PRDM10: variants seen among roughly 807,000 people sequenced by gnomAD.
PRDM10 encodes the protein PR/SET domain 10, also known as PR domain zinc finger protein 10.
Under a neutral mutation model 133.1 loss-of-function variants are expected in PRDM10, and 65 were observed. That is an observed-to-expected ratio of 0.49 (90% CI 0.40 to 0.60). The LOEUF (loss-of-function observed/expected upper bound fraction) is 0.60, where lower values mean the gene tolerates loss of function less well. Among genes scored for constraint, PRDM10 ranks in the 20% least tolerant of loss-of-function variants. The pLI is 0.00. For synonymous variants in PRDM10, 582 were observed against 580.4 expected, an observed-to-expected ratio of 1.00 and a Z score of -0.04; for missense variants, 1,137 against 1,507.1, an observed-to-expected ratio of 0.75 and a Z score of 4.07.
Position 129,942,512 on chromosome 11 carries a change from G to T in PRDM10, c.880C>A (p.Leu294Met), listed in dbSNP as rs1027406865. The T allele has an allele frequency of 3.1e-6, 5 of 1,613,940 alleles. No homozygotes were observed. Among genetic ancestry groups the T allele is most frequent in the Non-Finnish European group, 4.2e-6 (5 of 1,180,044 alleles). The change falls in exon 7 of 21, where the codon CTG becomes ATG. Residue 294 changes from leucine to methionine, a missense_variant. By Grantham distance (15) the Leu-to-Met change is conservative. Transcript: ENST00000360871. ...MMFVRPAQNH[L>M]EQNLVAYQYG... ...TGGTAAGCCACCAGGTTCTGCTCCA[G>T]GTGATTCTGGGCTGGCCGTACAAAC...
chr11:129,942,232 C>G (rs1434145792), intron 7 of PRDM10, among the ~76,000 whole-genome samples, 194 bp downstream of exon 7: 1 of 152,134 alleles, frequency 6.6e-6, no homozygotes, highest in African/African-American at 2.4e-5. Context: ...AAGCCATATA[C>G]TTTTCATTCT....
intron 1 of PRDM10, among the ~76,000 whole-genome samples, chr11:129,997,516 C>CAA (rs1178791938): frequency 6.6e-6 from 1 of 152,134 alleles, no homozygotes; most frequent in Non-Finnish European, 1.5e-5. Context: ...ACAGTTCTTT[C>CAA]ACGAGCTGGT....
intron 20 of PRDM10, 52 bp downstream of exon 20, chr11:129,905,586 A>G: frequency 7.6e-7 from 1 of 1,320,156 alleles, no homozygotes; most frequent in Non-Finnish European, 1.1e-6. Flanking sequence ...AAGAGTTACT[A>G]TACAGCACCA....
At chr11:129,982,118 G>T (rs1432753663) in intron 1 of PRDM10, among the ~76,000 whole-genome samples, 1 of 151,744 alleles carries the variant, frequency 6.6e-6, no homozygotes, top group Non-Finnish European at 1.5e-5. Flanking sequence ...ATTTAGCTGG[G>T]TGTGGTGGCA....
intron 18 of PRDM10, among the ~76,000 whole-genome samples, chr11:129,910,857 A>C (rs927568029): frequency 4.6e-5 from 7 of 152,056 alleles, no homozygotes. Context: ...GCTCACCGCA[A>C]CCTCCGCCTC....
intron 7 of PRDM10, 84 bp downstream of exon 7, chr11:129,942,342 C>T: frequency 7.0e-7 from 1 of 1,424,022 alleles, no homozygotes; most frequent in Non-Finnish European, 9.5e-7. Flanking sequence ...TTAAACAAAC[C>T]CACTTTAGGA....
chr11:129,923,447 A>G lies in PRDM10; in HGVS notation c.1879-44T>C. On this transcript the variant is annotated intron_variant, in intron 12 of 20. Coordinates refer to ENST00000360871, the MANE Select transcript of PRDM10 (RefSeq NM_199437.2). The surrounding 1 kb of genome is among the most constrained non-coding windows in gnomAD (Gnocchi z 4.4). The stretch of plus-strand genomic sequence containing the variant: ...GGAAAATTCAGGGGACGCAGGCACC[A>G]AATGAAATGACCAAAGGCAGCTTGT... The G allele has an allele frequency of 6.4e-7, 1 of 1,567,934 alleles. No homozygotes were observed. Among genetic ancestry groups the G allele is most frequent in the South Asian group, 1.2e-5 (1 of 84,732 alleles).
intron 2 of PRDM10, 151 bp downstream of exon 2, chr11:129,960,745 C>T: frequency 2.8e-6 from 2 of 726,404 alleles, no homozygotes; most frequent in East Asian, 2.9e-5. Flanking sequence ...ATTCAAGGGG[C>T]CAAAACAGTC....
intron 1 of PRDM10, among the ~76,000 whole-genome samples, chr11:129,965,256 G>A (rs565025684): frequency 1.7e-4 from 26 of 151,874 alleles, no homozygotes; most frequent in African/African-American, 5.8e-4. Context: ...AAAAAAAAAC[G>A]GAAAGAAAGA....
chr11:129,964,337 T>C (rs1951862116), intron 1 of PRDM10, among the ~76,000 whole-genome samples: 1 of 152,214 alleles, frequency 6.6e-6, no homozygotes, highest in Admixed American at 6.5e-5. Flanking sequence ...TCTCTTTTAA[T>C]AGGTAGTAAA....
At chr11:129,929,490 G>T in intron 11 of PRDM10, 1 of 1,370,444 alleles carries the variant, frequency 7.3e-7, no homozygotes. Flanking sequence ...CTTCCCTTCA[G>T]TTGGTCATTA....
intron 19 of PRDM10, among the ~76,000 whole-genome samples, chr11:129,909,310 C>T (rs936730392): frequency 4.0e-5 from 6 of 151,516 alleles, no homozygotes; most frequent in African/African-American, 9.7e-5. Context: ...ATTAGCTGGG[C>T]GTGGTGGCGG....
intron 7 of PRDM10, among the ~76,000 whole-genome samples, chr11:129,939,155 TA>T (rs1951128951): frequency 6.6e-6 from 1 of 152,252 alleles, no homozygotes; most frequent in Non-Finnish European, 1.5e-5. Flanking sequence ...CCCCATGAGT[TA>T]TTATTTGCTT....
intron 20 of PRDM10, 54 bp from the exon 21 acceptor site, chr11:129,902,570 A>T: frequency 1.3e-6 from 2 of 1,571,526 alleles, no homozygotes; most frequent in Non-Finnish European, 1.7e-6. Flanking sequence ...AGGGAGGGTG[A>T]AGCTACTGGG....
chr11:129,925,357 C>T, intron 11 of PRDM10, 128 bp from the exon 12 acceptor site: 1 of 867,158 alleles, frequency 1.2e-6, no homozygotes, highest in Non-Finnish European at 1.7e-6. Context: ...AACTCTAGGA[C>T]ACACACAGTT....
chr11:129,932,844 T>G (rs1041231187), intron 9 of PRDM10, among the ~76,000 whole-genome samples: 1 of 152,118 alleles, frequency 6.6e-6, no homozygotes, highest in Non-Finnish European at 1.5e-5. Flanking sequence ...TGGCTCACTG[T>G]GGCCTCAACC....
intron 1 of PRDM10, among the ~76,000 whole-genome samples, chr11:129,976,416 A>G (rs868031670): frequency 6.6e-6 from 1 of 152,314 alleles, no homozygotes; most frequent in East Asian, 1.9e-4. Flanking sequence ...GACAGCCAAC[A>G]TGCACTGAGT....
intron 4 of PRDM10, among the ~76,000 whole-genome samples, chr11:129,954,409 C>A (rs1017503636): frequency 6.6e-6 from 1 of 151,628 alleles, no homozygotes. Flanking sequence ...ATTACAGGCA[C>A]CCGCCACCAT....
rs370116943 is a variant in PRDM10, at chr11:129,931,118, T to C, written c.1428A>G (p.Pro476=). ...GCTGCAGGTGCAGGGTGTGAGTTTC[T>C]GGTTCATGTTCCAGGGAAGACTGGG... ...QETQSSLEHE[P]ETHTLHLQPQ... The change falls in exon 11 of 21, where the codon CCA becomes CCG. Residue 476 remains proline (P), a synonymous_variant. Coordinates refer to ENST00000360871, the MANE Select transcript of PRDM10 (RefSeq NM_199437.2). 1.9e-6 allele frequency: 3 copies of C among 1,614,104 alleles called. No individual in the cohort carries two copies. The African/African-American group carries it at 4.0e-5, about 22-fold the overall frequency.
Sources: allele counts gnomAD v4.1 joint callset (sites outside exome capture counted in the v4.1 genomes callset), GRCh38; gene constraint gnomAD v4.1.1; non-coding constraint Gnocchi (gnomAD v3.1); transcripts MANE v1.5; gene names NCBI Gene and HGNC (gene_info 2026-07-23, HGNC 2026-07-21).